Variants in DACH2 observed in about 807,000 individuals in gnomAD.
DACH2 encodes dachshund family transcription factor 2, also known as dachshund homolog 2.
Under a neutral mutation model 35.8 loss-of-function variants are expected in DACH2, and 17 were observed. The observed-to-expected ratio is 0.48, with a 90% CI of 0.33 to 0.71. The LOEUF is 0.71. DACH2 is among the 30% of genes least tolerant of loss of function. The pLI is 0.02. For missense variants in DACH2, 469 were observed against 472.7 expected (o/e 0.99, Z 0.07); for synonymous variants, 195 against 177.3 (o/e 1.10, Z -0.79).
Position 86,449,535 on chromosome X carries a change from T to G in DACH2, c.528-64744T>G, listed in dbSNP as rs1490658677. Among the ~76,000 whole-genome samples the G allele has an allele frequency of 2.7e-5, 3 of 111,795 alleles. No homozygotes were observed. The East Asian group carries it at 8.4e-4, about 31-fold the overall frequency. On this transcript the variant is annotated intron_variant, in intron 2 of 11. Transcript: ENST00000373125. ...GACATATTACTGCTATTTTAAAAAT[T>G]GTTTTCTAGTTTTCTTATGGATCAT...
chrX:86,154,823 G>A (rs966411337), intron 1 of DACH2, among the ~76,000 whole-genome samples: 4 of 111,471 alleles, frequency 3.6e-5, no homozygotes, highest in Non-Finnish European at 5.7e-5. Context: ...TGCCAGCAAT[G>A]TCAAAGAGAT....
chrX:86,631,445 T>C (rs2040199886), intron 3 of DACH2, among the ~76,000 whole-genome samples: 1 of 112,164 alleles, frequency 8.9e-6, no homozygotes, highest in South Asian at 3.7e-4. Flanking sequence ...ACATCATATA[T>C]GACCCAAAGC....
intron 2 of DACH2, among the ~76,000 whole-genome samples, chrX:86,381,806 A>G (rs2036050480): frequency 9.0e-6 from 1 of 110,846 alleles, no homozygotes; most frequent in Non-Finnish European, 1.9e-5. Flanking sequence ...CCATCATTAT[A>G]CTTACATTTC....
intron 2 of DACH2, among the ~76,000 whole-genome samples, chrX:86,402,746 C>G (rs770227326): frequency 3.6e-5 from 4 of 111,759 alleles, no homozygotes; most frequent in African/African-American, 6.5e-5. Context: ...GCAAAAAGAA[C>G]AAAACCAGAG....
At chrX:86,217,271 C>T (rs1361312010) in intron 1 of DACH2, among the ~76,000 whole-genome samples, 1 of 110,662 alleles carries the variant, frequency 9.0e-6, no homozygotes, top group East Asian at 2.8e-4. Flanking sequence ...AAGTAAAATG[C>T]TGTATCATCT....
chrX:86,781,406 T>A (rs377562544), intron 7 of DACH2, among the ~76,000 whole-genome samples: 4 of 111,610 alleles, frequency 3.6e-5, no homozygotes, highest in African/African-American at 1.3e-4. Context: ...ATGTATAGAG[T>A]CACTAAATTC....
In DACH2 at chrX:86,290,805, A is replaced by G. The variant is rs2034270647; in HGVS notation, c.489-86019A>G. On this transcript the variant is annotated intron_variant, in intron 1 of 11. Transcript: ENST00000373125. ...ATATCTCTGTTTTGGTACCAGTACC[A>G]TGCTGTTTTGGTTACTGTAGCCTTG... 5.1e-5 allele frequency among the ~76,000 whole-genome samples: 5 copies of G among 98,683 alleles called. No individual in the cohort carries two copies. The South Asian group carries it at 2.2e-3, about 43-fold the overall frequency. The allele number at this position is 98,683 out of a possible 115,157, so 85.7% of individuals were successfully genotyped here. A position where few individuals can be genotyped will look rare whatever the true frequency, so the allele number is the denominator to read the frequency against.
intron 3 of DACH2, among the ~76,000 whole-genome samples, chrX:86,624,104 C>G (rs896188052): frequency 3.0e-5 from 3 of 99,511 alleles, no homozygotes; most frequent in Non-Finnish European, 6.0e-5. Context: ...GTTCATATTT[C>G]TTTTTATAGA....
chrX:86,656,857 G>GTGTA lies in DACH2; in HGVS notation c.772+5691_772+5692insGTAT, dbSNP rs1333268452. On this transcript the variant is annotated intron_variant, in intron 4 of 11. Coordinates refer to ENST00000373125, the MANE Select transcript of DACH2 (RefSeq NM_053281.3). ...TGTATTAAAATACATGTGTGTGTGT[G>GTGTA]TATATATATATATATATATATATAT... Among the ~76,000 whole-genome samples, 352 of 66,721 alleles carry GTGTA rather than the reference G, an allele frequency of 5.3e-3. 3 individuals carry two copies. Among genetic ancestry groups the GTGTA allele is most frequent in the African/African-American group, 0.019 (259 of 13,887 alleles). The allele number at this position is 66,721 out of a possible 115,157, so 57.9% of individuals were successfully genotyped here. A position where few individuals can be genotyped will look rare whatever the true frequency, so the allele number is the denominator to read the frequency against.
At chrX:86,584,305 T>C (rs1314702403) in intron 3 of DACH2, among the ~76,000 whole-genome samples, 2 of 111,063 alleles carry the variant, frequency 1.8e-5, no homozygotes, top group Admixed American at 9.6e-5. Context: ...ATTATTATCT[T>C]GAATTATTCT....
At chrX:86,529,946 TACACAC>T (rs779572561) in intron 3 of DACH2, among the ~76,000 whole-genome samples, 86 of 79,189 alleles carry the variant, frequency 1.1e-3, no homozygotes, top group South Asian at 2.4e-3. Context: ...CCATTGTACA[TACACAC>T]ACACACACAC....
intron 7 of DACH2, among the ~76,000 whole-genome samples, chrX:86,796,825 T>C (rs1569483263): frequency 8.9e-6 from 1 of 111,791 alleles, no homozygotes; most frequent in Middle Eastern, 4.6e-3. Context: ...TCACACCTTA[T>C]TTGCAGGGGA....
intron 2 of DACH2, among the ~76,000 whole-genome samples, chrX:86,458,698 G>T (rs1208957391): frequency 2.7e-5 from 3 of 111,847 alleles, no homozygotes; most frequent in Admixed American, 9.5e-5. Flanking sequence ...AATGAAAAGT[G>T]CCAGATGTAG....
chrX:86,767,940 GTTT>G (rs755094612), intron 7 of DACH2, among the ~76,000 whole-genome samples: 1 of 110,798 alleles, frequency 9.0e-6, no homozygotes, highest in Non-Finnish European at 1.9e-5. Flanking sequence ...TTTGTTGTTT[GTTT>G]TTTGTTTGTT....
chrX:86,669,806 T>A (rs1330515030), intron 4 of DACH2, among the ~76,000 whole-genome samples: 5 of 111,337 alleles, frequency 4.5e-5, no homozygotes, highest in Non-Finnish European at 9.5e-5. Context: ...AAACCCTGGG[T>A]TCATGACTCT....
chrX:86,148,558 G>A lies in DACH2; in HGVS notation c.-63G>A, dbSNP rs969869529. ...GAGAGTGAGGGAGTGAGTGCGAGGG[G>A]ATCTAGAGGAGTCAGGGCGAGAAAG... On this transcript the variant is annotated 5_prime_UTR_variant, in exon 1 of 12. Coordinates refer to ENST00000373125, the MANE Select transcript of DACH2 (RefSeq NM_053281.3). The A allele has an allele frequency of 1.1e-5, 12 of 1,097,696 alleles. No individual in the cohort carries two copies. Among genetic ancestry groups the A allele is most frequent in the Non-Finnish European group, 1.4e-5 (12 of 833,149 alleles). 90.5% of individuals were successfully genotyped at this position (1,097,696 alleles called of 1,213,427 possible). A position where few individuals can be genotyped will look rare whatever the true frequency, so the allele number is the denominator to read the frequency against.
At chrX:86,560,527 C>T (rs2039200130) in intron 3 of DACH2, among the ~76,000 whole-genome samples, 1 of 107,199 alleles carries the variant, frequency 9.3e-6, no homozygotes, top group African/African-American at 3.4e-5. Flanking sequence ...ACCAAAACAG[C>T]ATGGTACTGG....
At chrX:86,530,469 T>C (rs781653197) in intron 3 of DACH2, among the ~76,000 whole-genome samples, 3 of 111,410 alleles carry the variant, frequency 2.7e-5, no homozygotes, top group African/African-American at 9.8e-5. Context: ...CTGATGGTTT[T>C]AAAGCATGGT....
chrX:86,167,673 G>T (rs182474394), intron 1 of DACH2, among the ~76,000 whole-genome samples: 7 of 110,566 alleles, frequency 6.3e-5, no homozygotes, highest in African/African-American at 2.3e-4. Flanking sequence ...TTTGATGTAC[G>T]CACTTACAGC....
Sources: gnomAD v4.1 joint callset for allele counts (sites outside exome capture counted in the v4.1 genomes callset) on GRCh38, gnomAD v4.1.1 for gene constraint, MANE v1.5 for transcripts, NCBI Gene and HGNC (gene_info 2026-07-23, HGNC 2026-07-21) for gene names.